The following ANKRD30BL variants were observed in gnomAD, a reference collection of about 807,000 sequenced individuals.
ANKRD30BL encodes ankyrin repeat domain 30B like.
In ANKRD30BL, 20 loss-of-function variants were observed where a neutral mutation model predicts 18.4. The observed-to-expected ratio is 1.09, with a 90% CI of 0.77 to 1.58. The LOEUF is 1.58. Among genes scored for constraint, ANKRD30BL ranks in the 40% most tolerant of loss-of-function variants. The pLI is 0.00. For synonymous variants in ANKRD30BL, 72 were observed against 100.9 expected, an observed-to-expected ratio of 0.71 and a Z score of 1.72; for missense variants, 224 against 268.6, an observed-to-expected ratio of 0.83 and a Z score of 1.16.
intron 1 of ANKRD30BL, among the ~76,000 whole-genome samples, chr2:132,200,068 A>G (rs1679064390): frequency 6.6e-6 from 1 of 152,238 alleles, no homozygotes; most frequent in African/African-American, 2.4e-5. Flanking sequence ...AAACCACGTG[A>G]AAAGGTCTTT....
At chr2:132,159,933 CTA>C (rs1688010785) in intron 1 of ANKRD30BL, among the ~76,000 whole-genome samples, 1 of 151,982 alleles carries the variant, frequency 6.6e-6, no homozygotes, top group Admixed American at 6.6e-5. Flanking sequence ...GCATAAAAAT[CTA>C]GTTTTCTCCA....
intron 1 of ANKRD30BL, among the ~76,000 whole-genome samples, chr2:132,220,705 G>T (rs1482259368): frequency 6.6e-6 from 1 of 152,160 alleles, no homozygotes; most frequent in Non-Finnish European, 1.5e-5. Context: ...GCGTGATCTC[G>T]GCTCGCTACA....
chr2:132,209,733 T>A (rs576720216), intron 1 of ANKRD30BL, among the ~76,000 whole-genome samples: 62 of 152,320 alleles, frequency 4.1e-4, no homozygotes, highest in Admixed American at 8.5e-4. Context: ...CTTTGTGATG[T>A]GTGCATTCAA....
intron 1 of ANKRD30BL, among the ~76,000 whole-genome samples, chr2:132,255,156 C>G (rs5028909): frequency 5.3e-5 from 8 of 152,208 alleles, no homozygotes; most frequent in African/African-American, 9.6e-5. Context: ...GGTATCTGAT[C>G]GTCTTCGAAC....
chr2:132,201,926 A>T (rs1011402951), intron 1 of ANKRD30BL, among the ~76,000 whole-genome samples: 4 of 152,254 alleles, frequency 2.6e-5, no homozygotes, highest in African/African-American at 9.6e-5. Flanking sequence ...GATTAAGAAA[A>T]TGTGGCACAT....
intron 1 of ANKRD30BL, among the ~76,000 whole-genome samples, chr2:132,249,670 A>C (rs1680598691): frequency 6.6e-6 from 1 of 152,156 alleles, no homozygotes; most frequent in African/African-American, 2.4e-5. Flanking sequence ...TTGGCCTCCA[A>C]GTGCTTGCAA....
At chr2:132,173,577 G>A (rs192682628) in intron 1 of ANKRD30BL, among the ~76,000 whole-genome samples, 2 of 152,130 alleles carry the variant, frequency 1.3e-5, no homozygotes, top group African/African-American at 4.8e-5. Context: ...GATTACAGGT[G>A]TGCATCGCTC....
At chr2:132,246,244 T>A (rs1446958132) in intron 1 of ANKRD30BL, among the ~76,000 whole-genome samples, 8 of 151,794 alleles carry the variant, frequency 5.3e-5, no homozygotes, top group Admixed American at 4.6e-4. Flanking sequence ...TTTTGTAGAA[T>A]CTATAAATGG....
intron 1 of ANKRD30BL, among the ~76,000 whole-genome samples, chr2:132,219,212 T>C (rs1679599002): frequency 6.6e-6 from 1 of 152,138 alleles, no homozygotes; most frequent in South Asian, 2.1e-4. Context: ...CTCACAGATT[T>C]GGACATACTG....
At chr2:132,206,552 T>C (rs566754595) in intron 1 of ANKRD30BL, among the ~76,000 whole-genome samples, 24 of 152,296 alleles carry the variant, frequency 1.6e-4, no homozygotes, top group Admixed American at 1.3e-3. Flanking sequence ...AACTACTTCA[T>C]GGCTTGTGAG....
intron 4 of ANKRD30BL, 147 bp downstream of exon 4, chr2:132,154,515 T>C (rs2104921778): frequency 4.1e-6 from 2 of 492,080 alleles, no homozygotes; most frequent in African/African-American, 2.0e-5. Context: ...AAATAATTGC[T>C]TTTCTTCCTA....
At chr2:132,255,075 G>A (rs1386971330) in intron 1 of ANKRD30BL, among the ~76,000 whole-genome samples, 1 of 152,186 alleles carries the variant, frequency 6.6e-6, no homozygotes, top group African/African-American at 2.4e-5. Flanking sequence ...TTTCTTGGAA[G>A]CTGCCCAGCG....
At chr2:132,221,292 G>A (rs1255511637) in intron 1 of ANKRD30BL, among the ~76,000 whole-genome samples, 11 of 147,500 alleles carry the variant, frequency 7.5e-5, no homozygotes, top group African/African-American at 2.1e-4. Flanking sequence ...CCCTCTGCCC[G>A]GCCAGTCGCC....
chr2:132,239,845 C>G (rs574488451), intron 1 of ANKRD30BL, among the ~76,000 whole-genome samples: 2 of 151,230 alleles, frequency 1.3e-5, no homozygotes, highest in South Asian at 4.2e-4. Flanking sequence ...TTCTCAGAAA[C>G]TTCTTTGTGA....
At chr2:132,204,054 G>A (rs1047741935) in intron 1 of ANKRD30BL, among the ~76,000 whole-genome samples, 12 of 152,192 alleles carry the variant, frequency 7.9e-5, no homozygotes, top group Non-Finnish European at 1.6e-4. Flanking sequence ...GAAGTTATCT[G>A]GTGCTCCAGG....
chr2:132,197,570 G>GT (rs1678993302), intron 1 of ANKRD30BL, among the ~76,000 whole-genome samples: 1 of 151,084 alleles, frequency 6.6e-6, no homozygotes, highest in Admixed American at 6.6e-5. Flanking sequence ...CTCTGGCTTA[G>GT]TAAAAAAAAA....
chr2:132,165,259 T>G (rs1172006985), upstream of ANKRD30BL, among the ~76,000 whole-genome samples: 1 of 103,384 alleles, frequency 9.7e-6, no homozygotes. Flanking sequence ...CGTATCAGTT[T>G]TTTTTTTTTT....
At chr2:132,154,172 G>C (rs1417952597) in intron 4 of ANKRD30BL, among the ~76,000 whole-genome samples, 1 of 152,006 alleles carries the variant, frequency 6.6e-6, no homozygotes, top group African/African-American at 2.4e-5. Flanking sequence ...TACCATGTTG[G>C]CTAGGCTGGT....
intron 1 of ANKRD30BL, among the ~76,000 whole-genome samples, chr2:132,239,102 A>G (rs1382022075): frequency 6.6e-6 from 1 of 151,554 alleles, no homozygotes; most frequent in Non-Finnish European, 1.5e-5. Context: ...GGAGCGCTTT[A>G]GCGCCTGTGG....
Sources: allele counts gnomAD v4.1 joint callset (sites outside exome capture counted in the v4.1 genomes callset), GRCh38; gene constraint gnomAD v4.1.1; transcripts MANE v1.5; gene names NCBI Gene and HGNC (gene_info 2026-07-23, HGNC 2026-07-21).